Variants in NSMCE2 observed in about 807,000 individuals in gnomAD.
The protein encoded by NSMCE2 is E3 SUMO-protein ligase NSE2.
A neutral mutation model predicts 23.8 loss-of-function variants in NSMCE2; 24 were observed. That is an observed-to-expected ratio of 1.01 (90% CI 0.73 to 1.42). The LOEUF is 1.42. Among genes scored for constraint, NSMCE2 ranks in the 40% most tolerant of loss-of-function variants. NSMCE2 has a pLI of 0.00. For synonymous variants in NSMCE2, 92 were observed against 94.1 expected, an observed-to-expected ratio of 0.98 and a Z score of 0.13; for missense variants, 284 against 296.5, an observed-to-expected ratio of 0.96 and a Z score of 0.31.
intron 3 of NSMCE2, among the ~76,000 whole-genome samples, chr8:125,136,335 G>T (rs1820065571): frequency 6.6e-6 from 1 of 152,202 alleles, no homozygotes; most frequent in Non-Finnish European, 1.5e-5. Flanking sequence ...AAGAAACAAA[G>T]ATTGAAATTA....
At chr8:125,229,243 G>A (rs571038143) in intron 5 of NSMCE2, among the ~76,000 whole-genome samples, 5 of 152,286 alleles carry the variant, frequency 3.3e-5, no homozygotes, top group African/African-American at 1.2e-4. Context: ...AGATGCAAGA[G>A]ACTGGGAGAA....
chr8:125,334,216 G>T (rs1829990241), intron 5 of NSMCE2, among the ~76,000 whole-genome samples: 1 of 152,110 alleles, frequency 6.6e-6, no homozygotes, highest in Non-Finnish European at 1.5e-5. Context: ...TTGCAGAGAG[G>T]TCTGAGTCAT....
At chr8:125,279,150 A>G (rs1827597252) in intron 5 of NSMCE2, among the ~76,000 whole-genome samples, 1 of 152,140 alleles carries the variant, frequency 6.6e-6, no homozygotes, top group Non-Finnish European at 1.5e-5. Flanking sequence ...AGGACATTCC[A>G]CTCTTATTAC....
At chr8:125,155,085 T>C (rs1821241411) in intron 4 of NSMCE2, among the ~76,000 whole-genome samples, 2 of 152,234 alleles carry the variant, frequency 1.3e-5, no homozygotes, top group Admixed American at 1.3e-4. Context: ...AAAGTCCATG[T>C]GACCTTCACC....
chr8:125,345,346 A>C (rs549730898), intron 5 of NSMCE2, among the ~76,000 whole-genome samples: 53 of 152,248 alleles, frequency 3.5e-4, no homozygotes, highest in Non-Finnish European at 6.2e-4. Flanking sequence ...TAATTAACTC[A>C]AGGACCAAAT....
At chr8:125,258,120 G>A (rs963316453) in intron 5 of NSMCE2, among the ~76,000 whole-genome samples, 1 of 152,204 alleles carries the variant, frequency 6.6e-6, no homozygotes, top group African/African-American at 2.4e-5. Flanking sequence ...TTGGGATACA[G>A]TAAGTGTGGG....
chr8:125,289,124 C>T lies in NSMCE2; in HGVS notation c.419-68095C>T, dbSNP rs1022411155. On this transcript the variant is annotated intron_variant, in intron 5 of 7. Transcript: ENST00000287437. ...AGTCTTTAATTCATCTTTGTACTTC[C>T]AAGGCCTACAGCAGTACCTAAAACT... 5.9e-5 allele frequency among the ~76,000 whole-genome samples: 9 copies of T among 152,266 alleles called. No individual in the cohort carries two copies. In the East Asian group the frequency reaches 1.5e-3, roughly 26 times the overall value.
rs137901077 is a variant in NSMCE2 at position 125,204,241 on chromosome 8, T to C, written c.418+21985T>C. Among the ~76,000 whole-genome samples the C allele has an allele frequency of 3.8e-4, 58 of 152,332 alleles. No individual in the cohort carries two copies. In the East Asian group the frequency reaches 8.7e-3, roughly 23 times the overall value. On this transcript the variant is annotated intron_variant, in intron 5 of 7. Coordinates refer to ENST00000287437, the MANE Select transcript of NSMCE2 (RefSeq NM_173685.4). ...AGGTCAAGGCCCTTTTTGCGAAGGT[T>C]ACCTTGGCAGACCTGGGCAACAACT...
intron 5 of NSMCE2, among the ~76,000 whole-genome samples, chr8:125,309,138 T>C (rs905258287): frequency 6.7e-6 from 1 of 150,146 alleles, no homozygotes; most frequent in Admixed American, 6.7e-5. Flanking sequence ...TACCACCTAC[T>C]CAGGAGGCTG....
chr8:125,325,670 A>G lies in NSMCE2; in HGVS notation c.419-31549A>G, dbSNP rs935389707. ...CTTAAGCAGCTATTTTTAAAAATGA[A>G]GTTGGGTGCAGTGGCTCACACCTGT... On this transcript the variant is annotated intron_variant, in intron 5 of 7. Coordinates refer to ENST00000287437, the MANE Select transcript of NSMCE2 (RefSeq NM_173685.4). Among the ~76,000 whole-genome samples, 4 of 152,192 alleles carry G rather than the reference A, an allele frequency of 2.6e-5. No individual in the cohort carries two copies. The East Asian group carries it at 7.8e-4, about 29-fold the overall frequency.
Position 125,212,417 on chromosome 8 carries a change from T to C in NSMCE2, c.418+30161T>C, listed in dbSNP as rs185818353. ...AGTTTAAAGTATGACCTCCTAGAGC[T>C]GAGGCAGTGAGAGCCCGGTATGTGC... On this transcript the variant is annotated intron_variant, in intron 5 of 7. Transcript: ENST00000287437. 2.0e-3 allele frequency among the ~76,000 whole-genome samples: 309 copies of C among 152,182 alleles called. 3 individuals carry two copies. The highest frequency in any genetic ancestry group is 1.8e-3 in the Non-Finnish European group (122 of 68,002).
At chr8:125,356,233 TA>T (rs1464416333) in intron 5 of NSMCE2, among the ~76,000 whole-genome samples, 5 of 145,318 alleles carry the variant, frequency 3.4e-5, no homozygotes, top group Non-Finnish European at 7.7e-5. Flanking sequence ...TGTCTGTGTG[TA>T]TGGGGGGGGG....
intron 5 of NSMCE2, among the ~76,000 whole-genome samples, chr8:125,314,030 A>C (rs1442262264): frequency 6.6e-6 from 1 of 152,208 alleles, no homozygotes; most frequent in African/African-American, 2.4e-5. Context: ...AAAGATTGGC[A>C]TGTGTTTTTC....
At chr8:125,326,955 T>A (rs1190724914) in intron 5 of NSMCE2, among the ~76,000 whole-genome samples, 1 of 116,214 alleles carries the variant, frequency 8.6e-6, no homozygotes, top group Non-Finnish European at 1.8e-5. Flanking sequence ...AAACTCCATT[T>A]CAAAAAAAAA....
chr8:125,232,286 C>G (rs901436923), intron 5 of NSMCE2, among the ~76,000 whole-genome samples: 1 of 151,930 alleles, frequency 6.6e-6, no homozygotes, highest in African/African-American at 2.4e-5. Flanking sequence ...TCGCTTGAAC[C>G]CAGGAGGCGG....
intron 5 of NSMCE2, among the ~76,000 whole-genome samples, chr8:125,256,541 T>C (rs1586678510): frequency 6.6e-6 from 1 of 152,108 alleles, no homozygotes; most frequent in South Asian, 2.1e-4. Flanking sequence ...AGATTTAAGC[T>C]GTAAGAAAAG....
At chr8:125,224,268 T>A (rs1824998046) in intron 5 of NSMCE2, among the ~76,000 whole-genome samples, 2 of 152,358 alleles carry the variant, frequency 1.3e-5, no homozygotes, top group Middle Eastern at 3.4e-3. Flanking sequence ...AATTGTCTTT[T>A]CATTCTGTTG....
rs571116321 is a variant in NSMCE2, at chr8:125,356,238, G to C, written c.419-981G>C. On this transcript the variant is annotated intron_variant, in intron 5 of 7. Transcript: ENST00000287437. The stretch of plus-strand genomic sequence containing the variant: ...TCATTATGTATGTCTGTGTGTATGG[G>C]GGGGGGTGTTCTGGAAATATAATTT... Among the ~76,000 whole-genome samples the C allele has an allele frequency of 7.2e-5, 11 of 151,996 alleles. No individual in the cohort carries two copies. The South Asian group carries it at 1.0e-3, about 14-fold the overall frequency.
chr8:125,365,109 C>G (rs2129683305), intron 7 of NSMCE2, among the ~76,000 whole-genome samples: 1 of 152,248 alleles, frequency 6.6e-6, no homozygotes, highest in South Asian at 2.1e-4. Context: ...AGCCTTTCCA[C>G]CGAGTCCCAG....
Sources: gnomAD v4.1 joint callset for allele counts (sites outside exome capture counted in the v4.1 genomes callset) on GRCh38, gnomAD v4.1.1 for gene constraint, MANE v1.5 for transcripts, NCBI Gene and HGNC (gene_info 2026-07-23, HGNC 2026-07-21) for gene names.